The following TAF2 variants were observed in gnomAD, a reference collection of about 807,000 sequenced individuals.
TAF2 encodes the protein TATA-box binding protein associated factor 2, also known as transcription initiation factor TFIID subunit 2.
A neutral mutation model predicts 138.5 loss-of-function variants in TAF2; 61 were observed. That is an observed-to-expected ratio of 0.44 (90% CI 0.36 to 0.54). TAF2 has a LOEUF of 0.54. Among genes scored for constraint, TAF2 ranks in the 20% least tolerant of loss-of-function variants. The pLI, the probability that TAF2 is intolerant of heterozygous loss-of-function variation, is 0.00. For synonymous variants in TAF2, 475 were observed against 469.9 expected (o/e 1.01, Z -0.14); for missense variants, 1,090 against 1,427.9 (o/e 0.76, Z 3.81).
chr8:119,830,219 T>G (rs1826360256), intron 2 of TAF2, among the ~76,000 whole-genome samples: 1 of 152,106 alleles, frequency 6.6e-6, no homozygotes, highest in Admixed American at 6.6e-5. Context: ...TTCTTTTAGC[T>G]GCCTCAATCA....
At chr8:119,807,673 C>A (rs1384619790) in intron 3 of TAF2, among the ~76,000 whole-genome samples, 1 of 152,152 alleles carries the variant, frequency 6.6e-6, no homozygotes, top group Non-Finnish European at 1.5e-5. Context: ...GCCTGTAATC[C>A]CAGCACTTTG....
chr8:119,749,467 C>A (rs972992248), intron 22 of TAF2, among the ~76,000 whole-genome samples: 1 of 151,974 alleles, frequency 6.6e-6, no homozygotes, highest in Admixed American at 6.6e-5. Context: ...GAGATAAAAG[C>A]CAAAATTTCA....
intron 22 of TAF2, among the ~76,000 whole-genome samples, chr8:119,755,568 T>G (rs965593634): frequency 5.3e-5 from 8 of 152,028 alleles, no homozygotes; most frequent in Non-Finnish European, 7.4e-5. Context: ...ACAATAATAA[T>G]AAGTATTTTG....
At chr8:119,777,900 A>AT in intron 18 of TAF2, 119 bp downstream of exon 18, 1 of 614,984 alleles carries the variant, frequency 1.6e-6, no homozygotes, top group Non-Finnish European at 2.9e-6. Flanking sequence ...AAGTACGATG[A>AT]TTTTTATAGA....
At chr8:119,773,343 T>C (rs1486940584) in intron 18 of TAF2, among the ~76,000 whole-genome samples, 4 of 151,576 alleles carry the variant, frequency 2.6e-5, no homozygotes, top group South Asian at 2.1e-4. Flanking sequence ...TAAAAGTTGA[T>C]ATACTTTCCA....
At chr8:119,824,199 G>A (rs1825958249) in intron 2 of TAF2, among the ~76,000 whole-genome samples, 2 of 152,100 alleles carry the variant, frequency 1.3e-5, no homozygotes, top group South Asian at 4.1e-4. Context: ...GGGAGGCTGA[G>A]GCAGGTGGAT....
intron 18 of TAF2, among the ~76,000 whole-genome samples, chr8:119,774,339 T>C (rs1050138083): frequency 1.3e-5 from 2 of 152,148 alleles, no homozygotes; most frequent in African/African-American, 4.8e-5. Flanking sequence ...GTGTCTACTA[T>C]TTTCCAGTAT....
At chr8:119,733,035 T>C (rs557767531) in intron 25 of TAF2, among the ~76,000 whole-genome samples, 1 of 152,028 alleles carries the variant, frequency 6.6e-6, no homozygotes, top group Non-Finnish European at 1.5e-5. Flanking sequence ...TGCATATAGA[T>C]AGAAGAGCTG....
chr8:119,781,258 G>T, intron 16 of TAF2, 65 bp from the exon 17 acceptor site: 1 of 1,583,514 alleles, frequency 6.3e-7, no homozygotes, highest in Non-Finnish European at 8.6e-7. Flanking sequence ...AAATAAAACA[G>T]CTTCTTAAAA....
Position 119,769,381 on chromosome 8 carries a change from G to A in TAF2, c.2365-6773C>T, listed in dbSNP as rs1231884968. 2.0e-5 allele frequency among the ~76,000 whole-genome samples: 3 copies of A among 152,124 alleles called. No individual in the cohort carries two copies. The East Asian group carries it at 5.8e-4, about 29-fold the overall frequency. Reference sequence around the variant, plus strand: ...ACAACAGCTACAGATGAGAAGGAATGAGCACAACTCCAGCAACACGAAGAA... The same window carrying A: ...ACAACAGCTACAGATGAGAAGGAATAAGCACAACTCCAGCAACACGAAGAA... On this transcript the variant is annotated intron_variant, in intron 18 of 25. Transcript: ENST00000378164.
chr8:119,754,093 T>C (rs907625585), intron 22 of TAF2, among the ~76,000 whole-genome samples: 1 of 152,152 alleles, frequency 6.6e-6, no homozygotes, highest in African/African-American at 2.4e-5. Flanking sequence ...TGGTTTTATG[T>C]GTTATTTTCT....
chr8:119,809,550 T>G (rs1824892488), intron 3 of TAF2, among the ~76,000 whole-genome samples: 1 of 152,214 alleles, frequency 6.6e-6, no homozygotes, highest in Admixed American at 6.5e-5. Flanking sequence ...GCTTTTGGCC[T>G]TCCTCCCTAA....
rs140756954 is a variant in TAF2, at chr8:119,795,579, T to C, written c.1144A>G (p.Met382Val). ...GISGYIYGLW[M>V]KKTFGVNEYR... ...TCATTAACACCAAAAGTTTTTTTCATCCAAAGTCCATAGATATAGCCTGAA... is the reference window on the plus strand; with the variant it reads ...TCATTAACACCAAAAGTTTTTTTCACCCAAAGTCCATAGATATAGCCTGAA... Residue 382 changes from methionine (M) to valine (V), a missense_variant, in exon 9 of 26, where the codon ATG (methionine) becomes GTG (valine). Met to Val is a conservative substitution (Grantham distance 21). Around this residue, in one of 3 missense-constraint regions of TAF2, gnomAD observed 504 missense variants for 680.9 expected, o/e 0.74. Coordinates refer to ENST00000378164, the MANE Select transcript of TAF2 (RefSeq NM_003184.4). The C allele has an allele frequency of 6.2e-7, 1 of 1,613,668 alleles. No homozygotes were observed. The highest frequency in any genetic ancestry group is 1.3e-5 in the African/African-American group (1 of 74,908).
chr8:119,830,983 T>C lies in TAF2; in HGVS notation c.138+694A>G, dbSNP rs572219815. The stretch of plus-strand genomic sequence containing the variant: ...TAAGCTGGGCGTGGTCATGCACACC[T>C]GTAATTCAAGCTACTTGGGAGGCTG... On this transcript the variant is annotated intron_variant, in intron 2 of 25. Coordinates refer to ENST00000378164, the MANE Select transcript of TAF2 (RefSeq NM_003184.4). 9.2e-5 allele frequency among the ~76,000 whole-genome samples: 14 copies of C among 152,212 alleles called. No homozygotes were observed. In the South Asian group the frequency reaches 2.7e-3, roughly 29 times the overall value.
At chr8:119,750,961 TAA>T (rs1180711309) in intron 22 of TAF2, among the ~76,000 whole-genome samples, 1 of 152,094 alleles carries the variant, frequency 6.6e-6, no homozygotes, top group African/African-American at 2.4e-5. Flanking sequence ...TTCATAATGA[TAA>T]AGAGTCAAAG....
Position 119,732,495 on chromosome 8 carries a change from G to A in TAF2, c.3338-309C>T, listed in dbSNP as rs75709463. Among the ~76,000 whole-genome samples, 258 of 152,048 alleles carry A rather than the reference G, an allele frequency of 1.7e-3. 1 individual carries two copies. Among genetic ancestry groups the A allele is most frequent in the Non-Finnish European group, 3.1e-3 (208 of 67,958 alleles). Reference sequence around the variant, plus strand: ...ATTATGAAAAAACAATATTACACACGGTGTTATAGGTTAAGACCCACACTG... The same window carrying A: ...ATTATGAAAAAACAATATTACACACAGTGTTATAGGTTAAGACCCACACTG... On this transcript the variant is annotated intron_variant, in intron 25 of 25. Coordinates refer to ENST00000378164, the MANE Select transcript of TAF2 (RefSeq NM_003184.4).
chr8:119,769,688 A>G (rs1821687687), intron 18 of TAF2, among the ~76,000 whole-genome samples: 1 of 151,840 alleles, frequency 6.6e-6, no homozygotes, highest in African/African-American at 2.4e-5. Context: ...AAGCTTTAAC[A>G]ACACACTAGA....
chr8:119,812,797 C>T (rs1336753024), intron 3 of TAF2, among the ~76,000 whole-genome samples: 4 of 626 alleles, frequency 6.4e-3, no homozygotes, highest in Admixed American at 0.053. Context: ...TATATACACA[C>T]ATGTATACAT....
chr8:119,802,042 C>G lies in TAF2; in HGVS notation c.561-17G>C, dbSNP rs1824301248. On this transcript the variant is annotated splice_polypyrimidine_tract_variant and intron_variant, in intron 5 of 25. Transcript: ENST00000378164. ...AACCAAAATCTAGAAAAAAGATTGA[C>G]AGTATAGAAAATGTATTCAAAGAGT... 1.9e-6 allele frequency: 3 copies of G among 1,589,614 alleles called. No homozygotes were observed. Among genetic ancestry groups the G allele is most frequent in the Admixed American group, 3.4e-5 (2 of 59,466 alleles).
Sources: gnomAD v4.1 joint callset for allele counts (sites outside exome capture counted in the v4.1 genomes callset) on GRCh38, gnomAD v4.1.1 for gene constraint, gnomAD v4.1.1 regional missense constraint, MANE v1.5 for transcripts, NCBI Gene and HGNC (gene_info 2026-07-23, HGNC 2026-07-21) for gene names.